The following SGCZ variants were observed in gnomAD, a reference collection of about 807,000 sequenced individuals.
SGCZ encodes the protein zeta-sarcoglycan.
In SGCZ, 40 loss-of-function variants were observed where a neutral mutation model predicts 41.3. The observed-to-expected ratio is 0.97, with a 90% CI of 0.75 to 1.26. The LOEUF (loss-of-function observed/expected upper bound fraction) is 1.26. Among genes scored for constraint, SGCZ ranks in the 50% most tolerant of loss-of-function variants. The pLI is 0.00. For missense variants in SGCZ, 552 were observed against 369.8 expected, an observed-to-expected ratio of 1.49 and a Z score of -4.04; for synonymous variants, 206 against 137.5, an observed-to-expected ratio of 1.50 and a Z score of -3.49.
chr8:14,945,110 TGA>T, intron 1 of SGCZ, among the ~76,000 whole-genome samples: 1 of 119,680 alleles, frequency 8.4e-6, no homozygotes, highest in Non-Finnish European at 1.6e-5. Context: ...CCCATGAGAA[TGA>T]GAGACTTAAA....
intron 1 of SGCZ, among the ~76,000 whole-genome samples, chr8:14,728,963 A>G (rs1308126997): frequency 6.6e-6 from 1 of 152,188 alleles, no homozygotes; most frequent in Non-Finnish European, 1.5e-5. Flanking sequence ...CTTTCATGCG[A>G]AGTCAATGCC....
chr8:14,986,765 G>T (rs975923905), intron 1 of SGCZ, among the ~76,000 whole-genome samples: 1 of 151,918 alleles, frequency 6.6e-6, no homozygotes, highest in Non-Finnish European at 1.5e-5. Flanking sequence ...GTGAGCTGGA[G>T]AAGCCTAAGG....
At chr8:14,815,377 G>T (rs1416076744) in intron 1 of SGCZ, among the ~76,000 whole-genome samples, 1 of 130,730 alleles carries the variant, frequency 7.6e-6, no homozygotes, top group African/African-American at 3.4e-5. Flanking sequence ...CAAGCAACTT[G>T]TATGATTTTT....
At chr8:14,598,306 G>A (rs905374884) in intron 1 of SGCZ, among the ~76,000 whole-genome samples, 2 of 151,390 alleles carry the variant, frequency 1.3e-5, no homozygotes, top group South Asian at 2.1e-4. Flanking sequence ...GTTTTCTTGC[G>A]AGTTTGCATA....
rs549957197 is a variant in SGCZ, at chr8:14,445,927, A to G, written c.234+108805T>C. ...CTGATCTGGCCATCAGCCCCACATG[A>G]AGCTTGCTCCTGCTGGATCCTGGAG... is the stretch of plus-strand genomic sequence containing the variant. On this transcript the variant is annotated intron_variant, in intron 2 of 7. Transcript: ENST00000382080. Among the ~76,000 whole-genome samples, 97 of 152,206 alleles carry G rather than the reference A, an allele frequency of 6.4e-4. 1 individual carries two copies. The highest frequency in any genetic ancestry group is 2.3e-3 in the African/African-American group (95 of 41,528).
At chr8:15,047,923 T>G (rs1411127694) in intron 1 of SGCZ, among the ~76,000 whole-genome samples, 1 of 152,030 alleles carries the variant, frequency 6.6e-6, no homozygotes, top group Non-Finnish European at 1.5e-5. Flanking sequence ...GAAAACCGTA[T>G]GGAGGTTTCT....
At chr8:14,677,174 A>G (rs898770512) in intron 1 of SGCZ, among the ~76,000 whole-genome samples, 7 of 152,078 alleles carry the variant, frequency 4.6e-5, no homozygotes, top group African/African-American at 1.7e-4. Context: ...GCAATGAGAA[A>G]GTGGGAACTG....
In SGCZ at chr8:15,099,658, T is replaced by C. The variant is rs115194215; in HGVS notation, c.39+137927A>G. Among the ~76,000 whole-genome samples the C allele has an allele frequency of 4.1e-3, 618 of 152,224 alleles. 4 individuals carry two copies. Among genetic ancestry groups the C allele is most frequent in the African/African-American group, 0.014 (573 of 41,548 alleles). ...CTAATACTAAAACCTGGAAAGACTTTACAAAAAAGAGAAAATTACACCAAT... is the reference window on the plus strand; with the variant it reads ...CTAATACTAAAACCTGGAAAGACTTCACAAAAAAGAGAAAATTACACCAAT... On this transcript the variant is annotated intron_variant, in intron 1 of 7. Transcript: ENST00000382080.
intron 2 of SGCZ, among the ~76,000 whole-genome samples, chr8:14,424,831 G>T (rs375690680): frequency 6.6e-6 from 1 of 152,130 alleles, no homozygotes. Flanking sequence ...TTATGCTGAT[G>T]TTGACAAGGA....
intron 1 of SGCZ, among the ~76,000 whole-genome samples, chr8:15,103,383 C>G (rs1008244537): frequency 5.5e-5 from 8 of 145,458 alleles, no homozygotes; most frequent in East Asian, 2.1e-4. Flanking sequence ...CCTAGGCAAC[C>G]AAGTGAGACC....
rs545691837 is a variant in SGCZ at position 14,932,619 on chromosome 8, C to G, written c.39+304966G>C. Among the ~76,000 whole-genome samples, 5 of 152,092 alleles carry G rather than the reference C, an allele frequency of 3.3e-5. No individual in the cohort carries two copies. The South Asian group carries it at 8.3e-4, about 25-fold the overall frequency. On this transcript the variant is annotated intron_variant, in intron 1 of 7. Transcript: ENST00000382080. ...AAGAACCATTATCCTCAGAATAGCT[C>G]TCAGCCAAGCAAGGCAAAACAAAAA... is the stretch of plus-strand genomic sequence containing the variant.
intron 1 of SGCZ, among the ~76,000 whole-genome samples, chr8:14,729,173 C>T (rs1810152235): frequency 6.6e-6 from 1 of 152,130 alleles, no homozygotes; most frequent in African/African-American, 2.4e-5. Flanking sequence ...ACTAAAGTCA[C>T]ACCTTTCTTC....
At chr8:14,952,701 A>T (rs1489246824) in intron 1 of SGCZ, among the ~76,000 whole-genome samples, 1 of 152,178 alleles carries the variant, frequency 6.6e-6, no homozygotes, top group Non-Finnish European at 1.5e-5. Flanking sequence ...GATTCTAAAC[A>T]AGTACAAAGA....
At chr8:15,063,936 C>T (rs1183498732) in intron 1 of SGCZ, among the ~76,000 whole-genome samples, 2 of 152,180 alleles carry the variant, frequency 1.3e-5, no homozygotes, top group Admixed American at 1.3e-4. Context: ...TATTTCTCTA[C>T]ACATCACACA....
Position 14,660,449 on chromosome 8 carries a change from G to C in SGCZ, c.40-105523C>G, listed in dbSNP as rs1807710781. Among the ~76,000 whole-genome samples, 8 of 151,448 alleles carry C rather than the reference G, an allele frequency of 5.3e-5. No individual in the cohort carries two copies. In the South Asian group the frequency reaches 1.7e-3, roughly 32 times the overall value. On this transcript the variant is annotated intron_variant, in intron 1 of 7. Transcript: ENST00000382080. The stretch of plus-strand genomic sequence containing the variant: ...TAGCCAGGCGTGGTGGTGGGCACCT[G>C]TAATCCCAACTACCTGGGAGGGTGA...
At chr8:15,136,402 C>A (rs535529581) in intron 1 of SGCZ, among the ~76,000 whole-genome samples, 1 of 151,780 alleles carries the variant, frequency 6.6e-6, no homozygotes, top group African/African-American at 2.4e-5. Flanking sequence ...TGATAAGAGG[C>A]ATGAGCTTAC....
intron 2 of SGCZ, among the ~76,000 whole-genome samples, chr8:14,454,918 A>G (rs1355983094): frequency 6.6e-6 from 1 of 152,212 alleles, no homozygotes; most frequent in South Asian, 2.1e-4. Context: ...ATGAAATCAT[A>G]CAAGTGCTAG....
chr8:15,032,665 C>A (rs1452701086), intron 1 of SGCZ, among the ~76,000 whole-genome samples: 1 of 152,096 alleles, frequency 6.6e-6, no homozygotes, highest in Non-Finnish European at 1.5e-5. Flanking sequence ...GGGCTTAGGA[C>A]CTACCCCATT....
At chr8:14,168,792 G>C (rs1303325811) in intron 4 of SGCZ, among the ~76,000 whole-genome samples, 1 of 152,152 alleles carries the variant, frequency 6.6e-6, no homozygotes, top group African/African-American at 2.4e-5. Flanking sequence ...TGTTATATGA[G>C]ATCCCTGGAA....
Sources: gnomAD v4.1 joint callset for allele counts (sites outside exome capture counted in the v4.1 genomes callset) on GRCh38, gnomAD v4.1.1 for gene constraint, MANE v1.5 for transcripts, NCBI Gene and HGNC (gene_info 2026-07-23, HGNC 2026-07-21) for gene names.